The following IQANK1 variants were observed in gnomAD, a reference collection of about 807,000 sequenced individuals.
The protein encoded by IQANK1 is IQ motif and ankyrin repeat containing 1.
Under a neutral mutation model 22.6 loss-of-function variants are expected in IQANK1, and 30 were observed. That is an observed-to-expected ratio of 1.33 (90% confidence interval 0.99 to 1.80). The LOEUF (loss-of-function observed/expected upper bound fraction) is 1.80, where lower values mean the gene tolerates loss of function less well. Among genes scored for constraint, IQANK1 ranks in the 40% most tolerant of loss-of-function variants. The pLI, the probability that IQANK1 is intolerant of heterozygous loss-of-function variation, is 0.00. For missense variants in IQANK1, 275 were observed against 235.2 expected, an observed-to-expected ratio of 1.17 and a Z score of -1.11; for synonymous variants, 122 against 99.6, an observed-to-expected ratio of 1.23 and a Z score of -1.34.
rs371738950 is a variant in IQANK1, at chr8:143,773,724, C to T, written c.789+1242C>T. On this transcript the variant is annotated intron_variant, in intron 7 of 13. Coordinates refer to ENST00000527139, the MANE Select transcript of IQANK1 (RefSeq NM_001381874.1). ...AGGTGCTGCCTGGGAGCCTGTCCTG[C>T]CCCTCTCTTCTTTCTCCTTGTCTGC... is the stretch of plus-strand genomic sequence containing the variant. Among the ~76,000 whole-genome samples, 20 of 152,330 alleles carry T rather than the reference C, an allele frequency of 1.3e-4. 1 individual carries two copies. The highest frequency in any genetic ancestry group is 4.3e-4 in the African/African-American group (18 of 41,572).
chr8:143,775,787 T>TACACACACACACACACACAC (rs35665050), intron 7 of IQANK1, among the ~76,000 whole-genome samples: 168 of 129,492 alleles, frequency 1.3e-3, no homozygotes, highest in East Asian at 4.1e-3. Flanking sequence ...ATAGCTGTAT[T>TACACACACACACACACACAC]ACACACACAC....
At chr8:143,786,494 C>T (rs1819892110) in intron 7 of IQANK1, among the ~76,000 whole-genome samples, 1 of 152,224 alleles carries the variant, frequency 6.6e-6, no homozygotes, top group African/African-American at 2.4e-5. Context: ...ATGAATACAT[C>T]TATATAGTCA....
chr8:143,750,463 G>T (rs1819167437), intron 3 of IQANK1, among the ~76,000 whole-genome samples: 1 of 151,966 alleles, frequency 6.6e-6, no homozygotes, highest in South Asian at 2.1e-4. Context: ...GCATATACTT[G>T]GATCAGGGGT....
intron 3 of IQANK1, chr8:143,742,168 G>T: frequency 2.8e-6 from 1 of 352,582 alleles, no homozygotes; most frequent in South Asian, 2.1e-5. Flanking sequence ...CCAGCTGTCC[G>T]CATCACCACT....
chr8:143,752,171 G>A (rs1819208224), intron 3 of IQANK1, among the ~76,000 whole-genome samples: 1 of 152,014 alleles, frequency 6.6e-6, no homozygotes. Flanking sequence ...TCACCATGTT[G>A]GCCAGGCTGG....
chr8:143,738,660 C>T (rs1018957069), intron 2 of IQANK1, among the ~76,000 whole-genome samples: 1 of 152,214 alleles, frequency 6.6e-6, no homozygotes, highest in Admixed American at 6.5e-5. Context: ...CAGCAACGGG[C>T]GTGCCTGGTC....
intron 7 of IQANK1, among the ~76,000 whole-genome samples, chr8:143,773,305 A>AC (rs1554629994): frequency 7.2e-5 from 10 of 138,588 alleles, no homozygotes; most frequent in Admixed American, 1.3e-4. Context: ...AGACTCAAAA[A>AC]AAAAAAAAAA....
At chr8:143,742,454 G>A (rs1285037159) in intron 3 of IQANK1, 1 of 455,944 alleles carries the variant, frequency 2.2e-6, no homozygotes, top group Admixed American at 2.3e-5. Context: ...TGCAAAAGGG[G>A]CGAATGCGAT....
intron 3 of IQANK1, among the ~76,000 whole-genome samples, chr8:143,747,647 T>TA (rs1554627352): frequency 0.015 from 2,274 of 151,988 alleles, 62 homozygotes; most frequent in African/African-American, 0.049. Context: ...TGTTTTTTTT[T>TA]AAAAAAGAGT....
rs1819340272 is a variant in IQANK1, at chr8:143,758,897, C to G, written c.176-12591C>G. 1 of 157,754 alleles carries G rather than the reference C, an allele frequency of 6.3e-6. No homozygotes were observed. Among genetic ancestry groups the G allele is most frequent in the Non-Finnish European group, 1.4e-5 (1 of 71,640 alleles). The allele number at this position is 157,754 out of a possible 1,614,324, so 9.8% of individuals were successfully genotyped here. On this transcript the variant is annotated intron_variant, in intron 3 of 13. Coordinates refer to ENST00000527139, the MANE Select transcript of IQANK1 (RefSeq NM_001381874.1). This position sits in a 1 kb window ranked among gnomAD's most constrained non-coding sequence, Gnocchi z 4.2. ...CCCTGCGCTGCCTTTGTCTTCTTCCCATGGCCTGGCCTGAGTGCTGCAGCT... is the reference window on the plus strand; with the variant it reads ...CCCTGCGCTGCCTTTGTCTTCTTCCGATGGCCTGGCCTGAGTGCTGCAGCT...
intron 3 of IQANK1, among the ~76,000 whole-genome samples, chr8:143,762,043 G>A (rs1554628912): frequency 6.6e-6 from 1 of 152,036 alleles, no homozygotes. Flanking sequence ...ATCATTTATG[G>A]TATTTGTATC....
At position 143,788,902 on chromosome 8, in the gene IQANK1, C is replaced by T. The variant is rs1356516202; in HGVS notation, c.790-13C>T. The stretch of plus-strand genomic sequence containing the variant: ...CACGCACTGAGGGCCCGACAAATGT[C>T]GTCTGTCACTAGGTGGCCTCACTGG... On this transcript the variant is annotated splice_polypyrimidine_tract_variant and intron_variant, in intron 7 of 13. Transcript: ENST00000527139. 6 of 398,964 alleles carry T rather than the reference C, an allele frequency of 1.5e-5. No homozygotes were observed. The highest frequency in any genetic ancestry group is 1.3e-4 in the South Asian group (1 of 7,868). 24.7% of individuals were successfully genotyped at this position (398,964 alleles called of 1,614,324 possible). A position where few individuals can be genotyped will look rare whatever the true frequency, so the allele number is the denominator to read the frequency against.
At chr8:143,744,831 G>C (rs1818996070) in intron 3 of IQANK1, 1 of 152,252 alleles carries the variant, frequency 6.6e-6, no homozygotes, top group Admixed American at 6.5e-5. Flanking sequence ...TGGCAGCTAA[G>C]AATGTGTATC....
At chr8:143,752,420 T>TA (rs1219123030) in intron 3 of IQANK1, among the ~76,000 whole-genome samples, 67 of 152,380 alleles carry the variant, frequency 4.4e-4, no homozygotes, top group African/African-American at 1.4e-3. Context: ...TTTCAAAAGT[T>TA]AGACTATAAT....
At chr8:143,751,739 T>A (rs1361548306) in intron 3 of IQANK1, among the ~76,000 whole-genome samples, 5 of 148,156 alleles carry the variant, frequency 3.4e-5, no homozygotes, top group African/African-American at 4.9e-5. Flanking sequence ...TTTATTGAGA[T>A]CTTTATTTCT....
chr8:143,773,300 C>CAAAAAAAAAAAAAA (rs1185632785), intron 7 of IQANK1, among the ~76,000 whole-genome samples: 1 of 79,696 alleles, frequency 1.3e-5, no homozygotes, highest in African/African-American at 4.4e-5. Context: ...GAGTGAGACT[C>CAAAAAAAAAAAAAA]AAAAAAAAAA....
rs1460661933 is a variant in IQANK1, at chr8:143,735,743, G to A, written c.-4-107G>A. ...CCTCAGGGGAGCCCATGTTCCTGCTGTCATCCACTCAGGCGCCCATGGTGT... is the reference window on the plus strand; with the variant it reads ...CCTCAGGGGAGCCCATGTTCCTGCTATCATCCACTCAGGCGCCCATGGTGT... On this transcript the variant is annotated intron_variant, in intron 1 of 13. Coordinates refer to ENST00000527139, the MANE Select transcript of IQANK1 (RefSeq NM_001381874.1). The surrounding 1 kb of genome is among the most constrained non-coding windows in gnomAD (Gnocchi z 5.2). 2 of 653,866 alleles carry A rather than the reference G, an allele frequency of 3.1e-6. No individual in the cohort carries two copies. Among genetic ancestry groups the A allele is most frequent in the African/African-American group, 1.8e-5 (1 of 56,382 alleles). 40.5% of individuals were successfully genotyped at this position (653,866 alleles called of 1,614,324 possible). A position where few individuals can be genotyped will look rare whatever the true frequency, so the allele number is the denominator to read the frequency against.
chr8:143,785,200 C>T (rs1455348632), intron 7 of IQANK1, among the ~76,000 whole-genome samples: 1 of 150,100 alleles, frequency 6.7e-6, no homozygotes. Context: ...TTTGTAGTTT[C>T]TGCAGATTTT....
intron 3 of IQANK1, among the ~76,000 whole-genome samples, chr8:143,767,970 T>A (rs62526402): frequency 1 from 135,950 of 136,480 alleles, 67,715 homozygotes; most frequent in Middle Eastern, 1. Context: ...TGCAAGCTCC[T>A]CCTCCCGGGT....
Sources: allele counts gnomAD v4.1 joint callset (sites outside exome capture counted in the v4.1 genomes callset), GRCh38; gene constraint gnomAD v4.1.1; non-coding constraint Gnocchi (gnomAD v3.1); transcripts MANE v1.5; gene names NCBI Gene and HGNC (gene_info 2026-07-23, HGNC 2026-07-21).